Variants in TOM1 observed in about 807,000 individuals in gnomAD.
TOM1 encodes target of Myb protein 1.
Under a neutral mutation model 61.3 loss-of-function variants are expected in TOM1, and 38 were observed. That is an observed-to-expected ratio of 0.62 (90% CI 0.48 to 0.81). TOM1 has a LOEUF of 0.81. Ranked by LOEUF, TOM1 falls within the 40% of genes least tolerant of loss-of-function variation. The pLI, the probability that TOM1 is intolerant of heterozygous loss-of-function variation, is 0.00. For synonymous variants in TOM1, 270 were observed against 268.8 expected (o/e 1.00, Z -0.04); for missense variants, 591 against 659.6 (o/e 0.90, Z 1.14).
rs968585127 is a variant in TOM1, at chr22:35,323,388, A to AG, written c.367-108_367-107insG. The AG allele has an allele frequency of 1.8e-4, 223 of 1,245,640 alleles. No homozygotes were observed. The African/African-American group carries it at 2.9e-3, about 16-fold the overall frequency. 77.2% of individuals were successfully genotyped at this position (1,245,640 alleles called of 1,614,324 possible). ...GAGTGGGCAGGGCAGATGTAGTTAAAAAAAAAAAAAAAGCAGGGAAAGAAT... is the reference window on the plus strand; with the variant it reads ...GAGTGGGCAGGGCAGATGTAGTTAAAGAAAAAAAAAAAAGCAGGGAAAGAAT... On this transcript the variant is annotated intron_variant, in intron 4 of 14. Transcript: ENST00000449058. The surrounding 1 kb of genome is among the most constrained non-coding windows in gnomAD (Gnocchi z 4.2).
At chr22:35,334,221 T>A (rs1016052475) in intron 10 of TOM1, 107 bp from the exon 11 acceptor site, 18 of 1,465,290 alleles carry the variant, frequency 1.2e-5, no homozygotes, top group Non-Finnish European at 1.5e-5. Context: ...CACCCACACG[T>A]GCCACTTCCC....
chr22:35,340,899 T>C (rs962264318), intron 12 of TOM1, among the ~76,000 whole-genome samples: 1 of 152,194 alleles, frequency 6.6e-6, no homozygotes, highest in Non-Finnish European at 1.5e-5. Flanking sequence ...CAGGGCAAGG[T>C]GGAGGACGCT....
At chr22:35,325,548 GT>G (rs940497427) in intron 6 of TOM1, among the ~76,000 whole-genome samples, 12 of 152,114 alleles carry the variant, frequency 7.9e-5, no homozygotes, top group African/African-American at 2.4e-4. Flanking sequence ...CAGTTTTTAT[GT>G]TTTATTTTCA....
chr22:35,331,273 T>C (rs1483772329), intron 8 of TOM1: 1 of 210,264 alleles, frequency 4.8e-6, no homozygotes, highest in African/African-American at 2.7e-5. Context: ...TTTTCTTTTC[T>C]TTTTTTTTTT....
chr22:35,338,641 C>G (rs1929591589), intron 11 of TOM1, 72 bp from the exon 12 acceptor site: 12 of 1,327,142 alleles, frequency 9.0e-6, no homozygotes, highest in Non-Finnish European at 1.2e-5. Context: ...ATCTGTGCCC[C>G]CCAGCCCGCT....
intron 2 of TOM1, among the ~76,000 whole-genome samples, chr22:35,318,678 G>A (rs932808635): frequency 6.6e-6 from 1 of 152,218 alleles, no homozygotes. Flanking sequence ...CCAGCAATAA[G>A]CCCGAGTCCC....
At chr22:35,345,809 C>T (rs758603572) in intron 13 of TOM1, 25 bp downstream of exon 13, 28 of 1,612,324 alleles carry the variant, frequency 1.7e-5, no homozygotes, top group Non-Finnish European at 2.4e-5. Flanking sequence ...ACTCCTCACC[C>T]ACACAGCAGG....
chr22:35,308,275 C>CTTT (rs138770), intron 1 of TOM1, among the ~76,000 whole-genome samples: 46 of 129,418 alleles, frequency 3.6e-4, no homozygotes, highest in Non-Finnish European at 3.5e-4. Context: ...TTCCTTTTCT[C>CTTT]TTTTTTTTTT....
In TOM1 at chr22:35,324,036, G is replaced by A. The variant is rs1928094365; in HGVS notation, c.648+122G>A. 6 of 1,223,528 alleles carry A rather than the reference G, an allele frequency of 4.9e-6. No homozygotes were observed. The South Asian group carries it at 9.7e-5, about 20-fold the overall frequency. The allele number at this position is 1,223,528 out of a possible 1,614,324, so 75.8% of individuals were successfully genotyped here. ...CACTTCTTCCTCACAGCAGCCCACA[G>A]GGTATGTGTGGTTCTTCCTGTTTGA... is the stretch of plus-strand genomic sequence containing the variant. On this transcript the variant is annotated intron_variant, in intron 6 of 14. Coordinates refer to ENST00000449058, the MANE Select transcript of TOM1 (RefSeq NM_005488.3).
chr22:35,323,178 G>A lies in TOM1; in HGVS notation c.366+1G>A. ...TGACAAAGTGCTCAACCTCATCCAGGTGAGTGCCAGGACAGGGCAGGGCAC... is the reference window on the plus strand; with the variant it reads ...TGACAAAGTGCTCAACCTCATCCAGATGAGTGCCAGGACAGGGCAGGGCAC... On this transcript the variant is annotated splice_donor_variant, in intron 4 of 14. Transcript: ENST00000449058. LOFTEE classifies it high-confidence loss of function. This position sits in a 1 kb window ranked among gnomAD's most constrained non-coding sequence, Gnocchi z 4.2. 3.1e-6 allele frequency: 5 copies of A among 1,613,568 alleles called. No homozygotes were observed. Among genetic ancestry groups the A allele is most frequent in the Non-Finnish European group, 3.4e-6 (4 of 1,180,024 alleles).
intron 13 of TOM1, 34 bp from the exon 14 acceptor site, chr22:35,346,896 C>T: frequency 1.2e-6 from 2 of 1,608,008 alleles, no homozygotes; most frequent in Non-Finnish European, 8.5e-7. Flanking sequence ...GGGGGCCCGG[C>T]TAACCTCTGC....
intron 13 of TOM1, among the ~76,000 whole-genome samples, chr22:35,346,462 C>T (rs1051078737): frequency 5.3e-5 from 8 of 152,214 alleles, no homozygotes; most frequent in African/African-American, 9.6e-5. Context: ...GTGGCAGAAG[C>T]CTCACCCCCT....
chr22:35,346,995 C>T lies in TOM1; in HGVS notation c.1324+26C>T, dbSNP rs560782116. The T allele has an allele frequency of 2.4e-5, 38 of 1,607,500 alleles. 1 individual carries two copies. The South Asian group carries it at 3.3e-4, about 14-fold the overall frequency. The stretch of plus-strand genomic sequence containing the variant: ...GTAGTAGTCCCCGCCCCTGCCCGCC[C>T]TCTCCTTTCCCCAGGGCTCTGGCCT... On this transcript the variant is annotated intron_variant, in intron 14 of 14. Coordinates refer to ENST00000449058, the MANE Select transcript of TOM1 (RefSeq NM_005488.3).
chr22:35,330,626 C>T (rs1452800263), intron 8 of TOM1, 146 bp downstream of exon 8: 2 of 802,308 alleles, frequency 2.5e-6, no homozygotes, highest in East Asian at 2.9e-5. Flanking sequence ...CCTGTGCCCT[C>T]AGCTGTCTTC....
At chr22:35,332,915 T>C in intron 8 of TOM1, 66 bp from the exon 9 acceptor site, 1 of 1,537,368 alleles carries the variant, frequency 6.5e-7, no homozygotes, top group South Asian at 1.1e-5. Context: ...TGAAAAGCTC[T>C]GCCTGGCCGT....
chr22:35,324,412 CAAAAAAAAAAAAAA>C (rs58401864), intron 6 of TOM1, among the ~76,000 whole-genome samples: 1 of 61,190 alleles, frequency 1.6e-5, no homozygotes, highest in African/African-American at 5.0e-5. Flanking sequence ...AGACCTGTTT[CAAAAAAAAAAAAAA>C]AAAAAAAAAA....
chr22:35,313,204 A>T (rs556641402), intron 1 of TOM1, among the ~76,000 whole-genome samples: 1 of 152,112 alleles, frequency 6.6e-6, no homozygotes, highest in African/African-American at 2.4e-5. Flanking sequence ...AAACTTAGCC[A>T]GGTGTGTTGG....
chr22:35,326,931 C>A (rs1202733300), intron 6 of TOM1, among the ~76,000 whole-genome samples: 2 of 152,200 alleles, frequency 1.3e-5, no homozygotes, highest in Non-Finnish European at 2.9e-5. Context: ...CCTGCAGCGT[C>A]CCTCCCCGCC....
Position 35,332,876 on chromosome 22 carries a change from C to G in TOM1, c.900-105C>G, listed in dbSNP as rs868849934. The G allele has an allele frequency of 9.4e-5, 107 of 1,135,864 alleles. 2 individuals are homozygous for G. In the Middle Eastern group the frequency reaches 6.7e-3, roughly 71 times the overall value. 70.4% of individuals were successfully genotyped at this position (1,135,864 alleles called of 1,614,324 possible). A position where few individuals can be genotyped will look rare whatever the true frequency, so the allele number is the denominator to read the frequency against. ...GACGTGTCATCACCCTGATCATAAC[C>G]CACCGTGTTGATGTTGAGACCCACA... On this transcript the variant is annotated intron_variant, in intron 8 of 14. Coordinates refer to ENST00000449058, the MANE Select transcript of TOM1 (RefSeq NM_005488.3).
Sources: gnomAD v4.1 joint callset for allele counts (sites outside exome capture counted in the v4.1 genomes callset) on GRCh38, gnomAD v4.1.1 for gene constraint, Gnocchi (gnomAD v3.1) non-coding constraint, MANE v1.5 for transcripts, NCBI Gene and HGNC (gene_info 2026-07-23, HGNC 2026-07-21) for gene names.